MGAT4C: variants seen among roughly 807,000 people sequenced by gnomAD.
MGAT4C encodes the protein alpha-1,3-mannosyl-glycoprotein 4-beta-N-acetylglucosaminyltransferase C.
Under a neutral mutation model 40.1 loss-of-function variants are expected in MGAT4C, and 19 were observed. That is an observed-to-expected ratio of 0.47 (90% CI 0.33 to 0.70). The LOEUF is 0.70. MGAT4C is among the 30% of genes least tolerant of loss of function. MGAT4C has a pLI of 0.02. For synonymous variants in MGAT4C, 181 were observed against 187.1 expected (o/e 0.97, Z 0.27); for missense variants, 491 against 563.2 (o/e 0.87, Z 1.30).
intron 1 of MGAT4C, among the ~76,000 whole-genome samples, chr12:86,235,082 C>A (rs1951476468): frequency 6.6e-6 from 1 of 151,914 alleles, no homozygotes; most frequent in Admixed American, 6.6e-5. Context: ...CTCTCTTATT[C>A]CATTGCTGGG....
At chr12:86,706,890 G>A (rs1389413061) in intron 2 of MGAT4C, among the ~76,000 whole-genome samples, 4 of 152,174 alleles carry the variant, frequency 2.6e-5, no homozygotes, top group Non-Finnish European at 5.9e-5. Flanking sequence ...CATGGGGGCA[G>A]GTCTTTCCCA....
chr12:86,237,027 T>C (rs1168649748), intron 1 of MGAT4C, among the ~76,000 whole-genome samples: 3 of 150,802 alleles, frequency 2.0e-5, no homozygotes, highest in Non-Finnish European at 4.4e-5. Context: ...TATATATGTG[T>C]ATTCCATCTC....
intron 1 of MGAT4C, among the ~76,000 whole-genome samples, chr12:86,765,530 C>A (rs974422342): frequency 2.6e-5 from 4 of 151,918 alleles, no homozygotes; most frequent in African/African-American, 9.7e-5. Context: ...ACAAAGATAC[C>A]CCTTGAGAAG....
chr12:86,396,941 C>CAGCTTTTCTACAGAAA (rs11269044), intron 3 of MGAT4C, among the ~76,000 whole-genome samples: 127 of 147,990 alleles, frequency 8.6e-4, no homozygotes, highest in South Asian at 1.5e-3. Context: ...AAATGTTCCT[C>CAGCTTTTCTACAGAAA]AGCTTTTCTA....
At chr12:86,079,341 C>T (rs529244078) in intron 1 of MGAT4C, among the ~76,000 whole-genome samples, 1 of 152,230 alleles carries the variant, frequency 6.6e-6, no homozygotes, top group East Asian at 1.9e-4. Context: ...ACTTTTTCTC[C>T]TTTTAATTCA....
chr12:86,659,513 C>T (rs181197376), intron 2 of MGAT4C, among the ~76,000 whole-genome samples: 44 of 152,032 alleles, frequency 2.9e-4, no homozygotes, highest in African/African-American at 1.0e-3. Context: ...ATAAGTAATT[C>T]GAACAGGGCA....
intron 1 of MGAT4C, among the ~76,000 whole-genome samples, chr12:86,087,284 A>G (rs1592900649): frequency 6.6e-6 from 1 of 151,962 alleles, no homozygotes; most frequent in South Asian, 2.1e-4. Flanking sequence ...CAGTTATTTT[A>G]TATTTCTGTT....
intron 1 of MGAT4C, among the ~76,000 whole-genome samples, chr12:86,191,409 T>C (rs567386080): frequency 9.2e-5 from 14 of 151,942 alleles, no homozygotes; most frequent in Admixed American, 8.5e-4. Flanking sequence ...ATTGAAAATA[T>C]CTCCTAATCA....
intron 2 of MGAT4C, among the ~76,000 whole-genome samples, chr12:86,519,445 G>A (rs1440797469): frequency 1.3e-5 from 2 of 152,072 alleles, no homozygotes; most frequent in Non-Finnish European, 2.9e-5. Flanking sequence ...TGGATCATGT[G>A]GCAGTTCTAC....
intron 1 of MGAT4C, among the ~76,000 whole-genome samples, chr12:86,117,340 A>G (rs1878602840): frequency 6.6e-6 from 1 of 152,176 alleles, no homozygotes; most frequent in Admixed American, 6.5e-5. Flanking sequence ...AGCAGGAAGG[A>G]GAATATAAGA....
At chr12:86,175,786 C>T (rs1354767863) in intron 1 of MGAT4C, among the ~76,000 whole-genome samples, 1 of 60,468 alleles carries the variant, frequency 1.7e-5, no homozygotes, top group Non-Finnish European at 3.0e-5. Flanking sequence ...CCCGTCTCTA[C>T]TAAAAATACA....
chr12:86,142,558 A>G (rs1882976917), intron 1 of MGAT4C, among the ~76,000 whole-genome samples: 1 of 152,184 alleles, frequency 6.6e-6, no homozygotes, highest in Admixed American at 6.5e-5. Flanking sequence ...TCTCATTTTC[A>G]TAGCTGTAGT....
At chr12:86,324,458 G>T (rs1407988576) in intron 4 of MGAT4C, among the ~76,000 whole-genome samples, 1 of 151,196 alleles carries the variant, frequency 6.6e-6, no homozygotes, top group African/African-American at 2.4e-5. Context: ...GTTTGATTTT[G>T]ATATATTTAT....
intron 1 of MGAT4C, among the ~76,000 whole-genome samples, chr12:86,229,753 A>G (rs867399895): frequency 7.2e-5 from 11 of 152,040 alleles, no homozygotes; most frequent in African/African-American, 2.7e-4. Context: ...AGTTAGGAAA[A>G]GCTTCATGGT....
intron 1 of MGAT4C, among the ~76,000 whole-genome samples, chr12:86,167,641 A>G (rs1191070618): frequency 8.1e-6 from 1 of 123,452 alleles, no homozygotes; most frequent in Admixed American, 9.0e-5. Flanking sequence ...TACATACAAG[A>G]AAGAGAGGGG....
intron 4 of MGAT4C, among the ~76,000 whole-genome samples, chr12:86,317,170 A>G (rs908626868): frequency 5.3e-5 from 8 of 152,150 alleles, no homozygotes; most frequent in Non-Finnish European, 7.4e-5. Flanking sequence ...ATCTATTCAC[A>G]AAAGATGGAA....
chr12:86,525,546 G>A (rs1958866172), intron 2 of MGAT4C, among the ~76,000 whole-genome samples: 1 of 152,162 alleles, frequency 6.6e-6, no homozygotes, highest in African/African-American at 2.4e-5. Flanking sequence ...TTCTTGGATT[G>A]GTTCTTTCTC....
chr12:86,590,219 A>G (rs1342642088), intron 2 of MGAT4C, among the ~76,000 whole-genome samples: 1 of 151,422 alleles, frequency 6.6e-6, no homozygotes, highest in Non-Finnish European at 1.5e-5. Flanking sequence ...CTGTGTATGA[A>G]CATTAATCAT....
chr12:86,077,506 T>C (rs1432834959), intron 1 of MGAT4C, among the ~76,000 whole-genome samples: 1 of 152,210 alleles, frequency 6.6e-6, no homozygotes, highest in African/African-American at 2.4e-5. Context: ...GAAATACTCA[T>C]GACAATTACA....
Sources: allele counts gnomAD v4.1 joint callset (sites outside exome capture counted in the v4.1 genomes callset), GRCh38; gene constraint gnomAD v4.1.1; transcripts MANE v1.5; gene names NCBI Gene and HGNC (gene_info 2026-07-23, HGNC 2026-07-21).